Variants in FRMD4A observed in about 807,000 individuals in gnomAD.
The protein encoded by FRMD4A is FERM domain-containing protein 4A.
FRMD4A carries 29 observed loss-of-function variants against 129.1 expected under a neutral mutation model. The ratio of observed to expected loss-of-function variants is 0.22; its 90% CI spans 0.17 to 0.31. The LOEUF is 0.31. FRMD4A is among the 10% of genes least tolerant of loss of function. FRMD4A has a pLI of 1.00. For synonymous variants in FRMD4A, 634 were observed against 571.6 expected (o/e 1.11, Z -1.56); for missense variants, 1,272 against 1,375.8 (o/e 0.92, Z 1.19).
intron 2 of FRMD4A, among the ~76,000 whole-genome samples, chr10:14,103,375 A>G (rs930145975): frequency 1.3e-5 from 2 of 152,196 alleles, no homozygotes; most frequent in East Asian, 1.9e-4. Flanking sequence ...TCTTTTTCCT[A>G]CTGCAGCCTG....
intron 2 of FRMD4A, chr10:14,326,680 C>T (rs1309333659): frequency 5.0e-6 from 2 of 396,166 alleles, no homozygotes; most frequent in African/African-American, 4.1e-5. Context: ...GTTATTCATC[C>T]TTATCCTGGC....
chr10:14,266,051 A>G (rs1589244733), intron 2 of FRMD4A, among the ~76,000 whole-genome samples: 1 of 152,226 alleles, frequency 6.6e-6, no homozygotes, highest in East Asian at 1.9e-4. Context: ...CAACAAACAT[A>G]AATACTGCTG....
At chr10:13,937,441 C>T (rs541686173) in intron 2 of FRMD4A, among the ~76,000 whole-genome samples, 27 of 152,326 alleles carry the variant, frequency 1.8e-4, no homozygotes, top group South Asian at 1.0e-3. Flanking sequence ...ACCAACCCAA[C>T]GCCCAGCCTT....
At chr10:13,775,048 G>A (rs1588657593) in intron 6 of FRMD4A, among the ~76,000 whole-genome samples, 1 of 152,050 alleles carries the variant, frequency 6.6e-6, no homozygotes, top group Non-Finnish European at 1.5e-5. Flanking sequence ...CCAGAAAGTA[G>A]AATAAAAAGA....
At chr10:13,792,893 C>T (rs905080141) in intron 5 of FRMD4A, among the ~76,000 whole-genome samples, 4 of 152,316 alleles carry the variant, frequency 2.6e-5, no homozygotes, top group South Asian at 4.1e-4. Context: ...AGAGGAAATG[C>T]TTATAGAGGA....
At chr10:14,330,285 G>A in intron 1 of FRMD4A, 102 bp from the exon 2 acceptor site, 1 of 608,584 alleles carries the variant, frequency 1.6e-6, no homozygotes, top group Non-Finnish European at 3.0e-6. Context: ...GGGAAGACAG[G>A]GTGGGAACTG....
At position 13,749,714 on chromosome 10, in the gene FRMD4A, C is replaced by T. The variant is rs575645999; in HGVS notation, c.465-1895G>A. Among the ~76,000 whole-genome samples the T allele has an allele frequency of 6.6e-5, 10 of 152,104 alleles. No individual in the cohort carries two copies. In the South Asian group the frequency reaches 1.9e-3, roughly 28 times the overall value. On this transcript the variant is annotated intron_variant, in intron 8 of 24. Coordinates refer to ENST00000357447, the MANE Select transcript of FRMD4A (RefSeq NM_018027.5). ...TGCCCTAAGAAAGAATGAGGCCAGGCGTGGTGGCTCATGCCTATAATCCCA... is the reference window on the plus strand; with the variant it reads ...TGCCCTAAGAAAGAATGAGGCCAGGTGTGGTGGCTCATGCCTATAATCCCA...
rs555161289 is a variant in FRMD4A, at chr10:14,264,471, T to A, written c.45+65587A>T. ...TTGCTGGACTCTAGCCAATGACCCA[T>A]TTATTGCCAAAACAATGCATTAATT... On this transcript the variant is annotated intron_variant, in intron 2 of 24. Transcript: ENST00000357447. Among the ~76,000 whole-genome samples the A allele has an allele frequency of 1.2e-4, 19 of 152,334 alleles. No individual in the cohort carries two copies. In the South Asian group the frequency reaches 3.9e-3, roughly 32 times the overall value.
intron 24 of FRMD4A, among the ~76,000 whole-genome samples, chr10:13,650,169 A>G (rs753918752): frequency 2.0e-5 from 3 of 152,318 alleles, no homozygotes; most frequent in Admixed American, 6.5e-5. Context: ...ACTGCTTGGC[A>G]TAGGGAGGTG....
chr10:14,004,477 G>A (rs946526629), intron 2 of FRMD4A, among the ~76,000 whole-genome samples: 1 of 152,176 alleles, frequency 6.6e-6, no homozygotes, highest in Non-Finnish European at 1.5e-5. Flanking sequence ...AGGAGGTGGA[G>A]GTTGCAGTGA....
chr10:14,190,406 C>G (rs757934921), intron 2 of FRMD4A, among the ~76,000 whole-genome samples: 1 of 152,156 alleles, frequency 6.6e-6, no homozygotes, highest in Non-Finnish European at 1.5e-5. Flanking sequence ...GGGTCTTGCT[C>G]TGTTGCCCAG....
intron 12 of FRMD4A, among the ~76,000 whole-genome samples, chr10:13,735,321 G>C (rs2090570110): frequency 6.6e-6 from 1 of 152,210 alleles, no homozygotes; most frequent in Non-Finnish European, 1.5e-5. Flanking sequence ...CCCAGTTTGG[G>C]TTAGAGACAA....
chr10:13,871,280 G>C (rs986140080), intron 2 of FRMD4A: 5 of 153,826 alleles, frequency 3.3e-5, no homozygotes, highest in African/African-American at 7.2e-5. Context: ...ACAAATGCAC[G>C]GGGCTGTGTG....
intron 5 of FRMD4A, among the ~76,000 whole-genome samples, chr10:13,790,899 G>C (rs906775869): frequency 3.9e-5 from 6 of 152,118 alleles, no homozygotes; most frequent in African/African-American, 1.4e-4. Flanking sequence ...TGGTCACAAA[G>C]GGGAGGAATC....
rs182933916 is a variant in FRMD4A at position 14,267,803 on chromosome 10, C to T, written c.45+62255G>A. ...AATATCACTTAGCTTTGGGAAAACT[C>T]GATTGCCATATTATGACACAAGACC... On this transcript the variant is annotated intron_variant, in intron 2 of 24. Coordinates refer to ENST00000357447, the MANE Select transcript of FRMD4A (RefSeq NM_018027.5). Among the ~76,000 whole-genome samples, 37 of 152,186 alleles carry T rather than the reference C, an allele frequency of 2.4e-4. 1 individual carries two copies. The highest frequency in any genetic ancestry group is 2.4e-3 in the Admixed American group (37 of 15,296).
chr10:14,263,285 T>C (rs944198401), intron 2 of FRMD4A, among the ~76,000 whole-genome samples: 1 of 152,138 alleles, frequency 6.6e-6, no homozygotes. Context: ...CTCAGGCCTC[T>C]GCACAGAAAC....
intron 3 of FRMD4A, among the ~76,000 whole-genome samples, chr10:13,854,970 T>TTTAGG (rs1427212526): frequency 5.9e-5 from 9 of 152,102 alleles, no homozygotes; most frequent in Non-Finnish European, 1.5e-5. Flanking sequence ...TGTCAGGAAA[T>TTTAGG]TGCCTGTGGA....
intron 2 of FRMD4A, among the ~76,000 whole-genome samples, chr10:14,254,615 C>A (rs2132024922): frequency 6.6e-6 from 1 of 152,098 alleles, no homozygotes; most frequent in South Asian, 2.1e-4. Context: ...ACTTCTTAAC[C>A]TCAAATATTT....
intron 14 of FRMD4A, among the ~76,000 whole-genome samples, chr10:13,696,617 G>A (rs1309070198): frequency 6.6e-6 from 1 of 152,186 alleles, no homozygotes; most frequent in Non-Finnish European, 1.5e-5. Context: ...GATGGCACAC[G>A]CCTGTAGTCC....
Sources: allele counts gnomAD v4.1 joint callset (sites outside exome capture counted in the v4.1 genomes callset), GRCh38; gene constraint gnomAD v4.1.1; transcripts MANE v1.5; gene names NCBI Gene and HGNC (gene_info 2026-07-23, HGNC 2026-07-21).